Variants in PTPRD observed in about 807,000 individuals in gnomAD.
PTPRD encodes the protein protein tyrosine phosphatase receptor type D.
A neutral mutation model predicts 214.5 loss-of-function variants in PTPRD; 34 were observed. That is an observed-to-expected ratio of 0.16 (90% CI 0.12 to 0.21). The LOEUF is 0.21. Ranked by LOEUF, PTPRD falls within the 10% of genes least tolerant of loss-of-function variation. The pLI, the probability that PTPRD is intolerant of heterozygous loss-of-function variation, is 1.00. For missense variants in PTPRD, 2,545 were observed against 2,398.7 expected (o/e 1.06, Z -1.27); for synonymous variants, 1,128 against 845.7 (o/e 1.33, Z -5.79).
chr9:10,023,988 A>C (rs1276759880), intron 4 of PTPRD, among the ~76,000 whole-genome samples: 2 of 119,796 alleles, frequency 1.7e-5, no homozygotes, highest in Non-Finnish European at 3.5e-5. Context: ...TTTTGGTTTA[A>C]ATTAAATAGC....
chr9:9,495,416 A>G (rs902901826), intron 8 of PTPRD, among the ~76,000 whole-genome samples: 4 of 151,886 alleles, frequency 2.6e-5, no homozygotes, highest in Non-Finnish European at 4.4e-5. Flanking sequence ...CTCTCTCCCA[A>G]TTGGTTCTTT....
intron 12 of PTPRD, among the ~76,000 whole-genome samples, chr9:8,691,392 T>C (rs986336491): frequency 1.2e-4 from 15 of 126,674 alleles, no homozygotes; most frequent in African/African-American, 3.0e-4. Flanking sequence ...TGTTCTTCTC[T>C]AGAGAAAAAA....
intron 11 of PTPRD, among the ~76,000 whole-genome samples, chr9:8,770,294 A>G (rs910208865): frequency 2.0e-5 from 3 of 152,112 alleles, no homozygotes; most frequent in African/African-American, 7.2e-5. Flanking sequence ...AAATAAATAA[A>G]TAAATAGAAA....
intron 2 of PTPRD, among the ~76,000 whole-genome samples, chr9:10,404,514 T>C (rs944440268): frequency 6.6e-6 from 1 of 151,758 alleles, no homozygotes; most frequent in African/African-American, 2.4e-5. Flanking sequence ...ATAATCATAG[T>C]ACACAAATGA....
chr9:10,223,455 A>G (rs561459550), intron 3 of PTPRD, among the ~76,000 whole-genome samples: 3 of 152,054 alleles, frequency 2.0e-5, no homozygotes, highest in Admixed American at 2.0e-4. Flanking sequence ...ACTTGAGGCC[A>G]GGAGTTAGGA....
At chr9:10,301,385 C>A (rs973266115) in intron 3 of PTPRD, among the ~76,000 whole-genome samples, 1 of 152,106 alleles carries the variant, frequency 6.6e-6, no homozygotes, top group Non-Finnish European at 1.5e-5. Flanking sequence ...CAGCTCCTCA[C>A]CAGCAAGGGA....
chr9:8,981,854 G>A (rs2099314337), intron 11 of PTPRD, among the ~76,000 whole-genome samples: 1 of 151,964 alleles, frequency 6.6e-6, no homozygotes, highest in Non-Finnish European at 1.5e-5. Flanking sequence ...CTTGCTAGAA[G>A]GAAGAAATAG....
chr9:10,311,896 T>C (rs535000026), intron 3 of PTPRD, among the ~76,000 whole-genome samples: 54 of 152,004 alleles, frequency 3.6e-4, no homozygotes, highest in Non-Finnish European at 6.6e-4. Context: ...GGACTGCCCA[T>C]TGGGAGAGAT....
chr9:9,820,299 T>C (rs1262799716), intron 5 of PTPRD, among the ~76,000 whole-genome samples: 1 of 152,170 alleles, frequency 6.6e-6, no homozygotes, highest in Non-Finnish European at 1.5e-5. Flanking sequence ...TTAAAAAGTG[T>C]CTGTTCTTAT....
At chr9:9,028,563 A>C (rs907578673) in intron 10 of PTPRD, among the ~76,000 whole-genome samples, 2 of 151,940 alleles carry the variant, frequency 1.3e-5, no homozygotes, top group African/African-American at 4.8e-5. Context: ...AATAAAGTCT[A>C]TTTATTTAAT....
intron 8 of PTPRD, among the ~76,000 whole-genome samples, chr9:9,476,561 A>T (rs2146833899): frequency 6.6e-6 from 1 of 152,206 alleles, no homozygotes; most frequent in East Asian, 1.9e-4. Flanking sequence ...AAGGACCAGA[A>T]CATCTTTATG....
chr9:9,957,240 C>T (rs2094000189), intron 4 of PTPRD, among the ~76,000 whole-genome samples: 1 of 152,036 alleles, frequency 6.6e-6, no homozygotes, highest in East Asian at 1.9e-4. Context: ...AAAGAATACT[C>T]CTCTTTTTAA....
At chr9:9,491,400 T>C (rs2095889538) in intron 8 of PTPRD, among the ~76,000 whole-genome samples, 1 of 151,888 alleles carries the variant, frequency 6.6e-6, no homozygotes, top group African/African-American at 2.4e-5. Flanking sequence ...AGACAGAAGA[T>C]GTGTAAGGAA....
intron 31 of PTPRD, among the ~76,000 whole-genome samples, chr9:8,466,594 CAGGGTTTAACAAGGGAA>C (rs2096548530): frequency 6.6e-6 from 1 of 151,876 alleles, no homozygotes; most frequent in African/African-American, 2.4e-5. Context: ...TGGTATTTCA[CAGGGTTTAACAAGGGAA>C]AGGTCTGTAT....
At position 9,333,887 on chromosome 9, in the gene PTPRD, T is replaced by G. The variant is rs116003665; in HGVS notation, c.-203+63562A>C. The stretch of plus-strand genomic sequence containing the variant: ...TATATTACTTAAACACTGGAACACC[T>G]AATGCTAAAGAGAAGAAAATATTGA... On this transcript the variant is annotated intron_variant, in intron 9 of 45. Coordinates refer to ENST00000381196, the MANE Select transcript of PTPRD (RefSeq NM_002839.4). 1.7e-3 allele frequency among the ~76,000 whole-genome samples: 253 copies of G among 152,054 alleles called. 5 individuals carry two copies. The highest frequency in any genetic ancestry group is 5.7e-3 in the African/African-American group (238 of 41,528).
At chr9:8,752,148 T>C (rs2093599217) in intron 11 of PTPRD, among the ~76,000 whole-genome samples, 1 of 152,144 alleles carries the variant, frequency 6.6e-6, no homozygotes, top group Non-Finnish European at 1.5e-5. Flanking sequence ...TGAGACCTAC[T>C]GGGCTGCATT....
chr9:9,002,577 A>G (rs1475925627), intron 11 of PTPRD, among the ~76,000 whole-genome samples: 1 of 152,128 alleles, frequency 6.6e-6, no homozygotes, highest in Non-Finnish European at 1.5e-5. Context: ...AGAATTCTCC[A>G]CACCAACAAT....
intron 14 of PTPRD, among the ~76,000 whole-genome samples, chr9:8,585,220 CT>C (rs2093546413): frequency 6.6e-6 from 1 of 151,962 alleles, no homozygotes; most frequent in Non-Finnish European, 1.5e-5. Flanking sequence ...TTTTTTTTAA[CT>C]GCAGAGTTAC....
chr9:9,947,073 A>AAAT (rs2092662625), intron 4 of PTPRD, among the ~76,000 whole-genome samples: 1 of 150,776 alleles, frequency 6.6e-6, no homozygotes, highest in African/African-American at 2.4e-5. Flanking sequence ...ACCACAAAAG[A>AAAT]AATGATCTTT....
Sources: allele counts gnomAD v4.1 joint callset (sites outside exome capture counted in the v4.1 genomes callset), GRCh38; gene constraint gnomAD v4.1.1; transcripts MANE v1.5; gene names NCBI Gene and HGNC (gene_info 2026-07-23, HGNC 2026-07-21).